CCDC171: variants seen among roughly 807,000 people sequenced by gnomAD.
CCDC171 encodes coiled-coil domain containing 171.
CCDC171 carries 177 observed loss-of-function variants against 168.2 expected under a neutral mutation model. The ratio of observed to expected loss-of-function variants is 1.05; its 90% CI spans 0.93 to 1.19. The LOEUF (loss-of-function observed/expected upper bound fraction) is 1.19, where lower values mean the gene tolerates loss of function less well. CCDC171 is among the 50% of genes most tolerant of loss of function. The pLI is 0.00. For missense variants in CCDC171, 1,991 were observed against 1,539.0 expected (o/e 1.29, Z -4.91); for synonymous variants, 687 against 540.8 (o/e 1.27, Z -3.75).
At chr9:16,102,621 C>T in the CCDC171 span, among the ~76,000 whole-genome samples, 7 of 152,144 alleles carry the variant, frequency 4.6e-5, no homozygotes, top group African/African-American at 1.7e-4. Flanking sequence ...TCATAGTCTA[C>T]AAGAAACTCG....
At chr9:15,692,497 A>G (rs2050876339) in intron 10 of CCDC171, among the ~76,000 whole-genome samples, 1 of 151,654 alleles carries the variant, frequency 6.6e-6, no homozygotes, top group South Asian at 2.1e-4. Flanking sequence ...TTAATCATCC[A>G]GATTCTCTTC....
intron 21 of CCDC171, among the ~76,000 whole-genome samples, chr9:15,787,894 A>G (rs1356109461): frequency 6.6e-6 from 1 of 152,206 alleles, no homozygotes; most frequent in African/African-American, 2.4e-5. Flanking sequence ...TCATTAAACA[A>G]CATTTTTATG....
At chr9:15,837,088 C>G (rs905902460) in intron 21 of CCDC171, among the ~76,000 whole-genome samples, 1 of 152,160 alleles carries the variant, frequency 6.6e-6, no homozygotes, top group African/African-American at 2.4e-5. Context: ...CTGGTTGATG[C>G]TTTTCTCTCT....
intron 7 of CCDC171, among the ~76,000 whole-genome samples, chr9:15,656,422 A>G (rs1222624328): frequency 6.6e-6 from 1 of 152,242 alleles, no homozygotes; most frequent in Non-Finnish European, 1.5e-5. Context: ...GTCTCTACAA[A>G]GTCTTGCACA....
intron 3 of CCDC171, among the ~76,000 whole-genome samples, chr9:15,572,562 T>C (rs1484134605): frequency 6.6e-6 from 1 of 152,228 alleles, no homozygotes; most frequent in African/African-American, 2.4e-5. Flanking sequence ...TGTACTGTAA[T>C]AGCTGTAATT....
intron 18 of CCDC171, among the ~76,000 whole-genome samples, chr9:15,774,757 T>G (rs1262801646): frequency 6.6e-6 from 1 of 152,238 alleles, no homozygotes. Context: ...CTATATACCA[T>G]GGAATACTAC....
At chr9:15,949,351 C>T (rs2132432716) in intron 25 of CCDC171, among the ~76,000 whole-genome samples, 1 of 152,178 alleles carries the variant, frequency 6.6e-6, no homozygotes, top group African/African-American at 2.4e-5. Context: ...TTTTCCAATT[C>T]TGTGAAGAAA....
intron 18 of CCDC171, among the ~76,000 whole-genome samples, chr9:15,757,599 G>A (rs1333617679): frequency 6.6e-6 from 1 of 152,208 alleles, no homozygotes; most frequent in Non-Finnish European, 1.5e-5. Flanking sequence ...ATTTGCTTAA[G>A]TAACAATTAG....
chr9:15,909,537 T>C (rs940348521), intron 24 of CCDC171, among the ~76,000 whole-genome samples: 4 of 152,186 alleles, frequency 2.6e-5, no homozygotes, highest in African/African-American at 4.8e-5. Flanking sequence ...AACAAGTATT[T>C]GTGGGCAGGA....
chr9:15,728,117 C>A lies in CCDC171; in HGVS notation c.1860+81C>A, dbSNP rs144746312. ...TCACAGTATCATTAAGAGGGGCTGACATTCATCTTATTTCAAAAAGAATTT... is the reference window on the plus strand; with the variant it reads ...TCACAGTATCATTAAGAGGGGCTGAAATTCATCTTATTTCAAAAAGAATTT... On this transcript the variant is annotated intron_variant, in intron 15 of 25. Coordinates refer to ENST00000380701, the MANE Select transcript of CCDC171 (RefSeq NM_173550.4). 560 of 1,036,104 alleles carry A rather than the reference C, an allele frequency of 5.4e-4. 3 individuals carry two copies. In the African/African-American group the frequency reaches 7.5e-3, roughly 14 times the overall value. 64.2% of individuals were successfully genotyped at this position (1,036,104 alleles called of 1,614,324 possible).
At chr9:15,642,369 A>G (rs760489292) in intron 7 of CCDC171, among the ~76,000 whole-genome samples, 1,557 of 51,452 alleles carry the variant, frequency 0.03, 45 homozygotes, top group Admixed American at 0.073. Flanking sequence ...ATATATATAT[A>G]TATATATATA....
chr9:15,592,391 T>A (rs79827583), intron 5 of CCDC171, among the ~76,000 whole-genome samples: 3,670 of 152,034 alleles, frequency 0.024, 154 homozygotes, highest in African/African-American at 0.085. Flanking sequence ...GTGATAAAAA[T>A]GTTCTACCTT....
chr9:16,076,194 C>T, the CCDC171 span, among the ~76,000 whole-genome samples: 30 of 152,306 alleles, frequency 2.0e-4, no homozygotes, highest in African/African-American at 6.7e-4. Flanking sequence ...GCACCTCACA[C>T]CTATCATCTG....
At chr9:16,089,571 G>T in the CCDC171 span, among the ~76,000 whole-genome samples, 1 of 151,470 alleles carries the variant, frequency 6.6e-6, no homozygotes, top group Non-Finnish European at 1.5e-5. Context: ...GTAAAGAAGG[G>T]GTCCAGTTTC....
chr9:16,069,515 C>A, the CCDC171 span, among the ~76,000 whole-genome samples: 2 of 152,170 alleles, frequency 1.3e-5, no homozygotes, highest in Non-Finnish European at 2.9e-5. Context: ...GATGTGGACC[C>A]GAGGAAGGGA....
chr9:15,976,047 A>G (rs1412442759), downstream of CCDC171, among the ~76,000 whole-genome samples: 2 of 152,116 alleles, frequency 1.3e-5, no homozygotes, highest in African/African-American at 4.8e-5. Context: ...ATGGAGGCAG[A>G]GTCCAGACTT....
rs894997181 is a variant in CCDC171, at chr9:15,874,949, A to G, written c.3600+286A>G. 6.2e-5 allele frequency: 12 copies of G among 193,620 alleles called. 1 individual carries two copies. The highest frequency in any genetic ancestry group is 4.8e-4 in the Admixed American group (8 of 16,514). 12.0% of individuals were successfully genotyped at this position (193,620 alleles called of 1,614,324 possible). A position where few individuals can be genotyped will look rare whatever the true frequency, so the allele number is the denominator to read the frequency against. ...TAAAAGAAAATACTTTCCTATCAGC[A>G]GAGGACAATAAGACACTAGGCTGTT... is the stretch of plus-strand genomic sequence containing the variant. On this transcript the variant is annotated intron_variant, in intron 24 of 25. Coordinates refer to ENST00000380701, the MANE Select transcript of CCDC171 (RefSeq NM_173550.4).
rs547063217 is a variant in CCDC171, at chr9:15,652,496, T to A, written c.823-4631T>A. Among the ~76,000 whole-genome samples, 9 of 152,006 alleles carry A rather than the reference T, an allele frequency of 5.9e-5. No homozygotes were observed. The South Asian group carries it at 1.9e-3, about 32-fold the overall frequency. ...AGTCTGGCTCTGTCACCTGGCTGAATCTTTGCTTACTGTAACCTCTGCCTC... is the reference window on the plus strand; with the variant it reads ...AGTCTGGCTCTGTCACCTGGCTGAAACTTTGCTTACTGTAACCTCTGCCTC... On this transcript the variant is annotated intron_variant, in intron 7 of 25. Coordinates refer to ENST00000380701, the MANE Select transcript of CCDC171 (RefSeq NM_173550.4).
chr9:15,837,051 A>G (rs1228232175), intron 21 of CCDC171, among the ~76,000 whole-genome samples: 1 of 152,234 alleles, frequency 6.6e-6, no homozygotes, highest in Admixed American at 6.5e-5. Context: ...GTAGGGTTGA[A>G]AATAGTTATC....
Sources: gnomAD v4.1 joint callset for allele counts (sites outside exome capture counted in the v4.1 genomes callset) on GRCh38, gnomAD v4.1.1 for gene constraint, MANE v1.5 for transcripts, NCBI Gene and HGNC (gene_info 2026-07-23, HGNC 2026-07-21) for gene names.